Variants in SRSF11 observed in about 807,000 individuals in gnomAD.
SRSF11 encodes serine/arginine-rich splicing factor 11.
A neutral mutation model predicts 56.0 loss-of-function variants in SRSF11; 9 were observed. The ratio of observed to expected loss-of-function variants is 0.16; its 90% CI spans 0.10 to 0.28. The LOEUF is 0.28. SRSF11 is among the 10% of genes least tolerant of loss of function. The pLI is 1.00. For synonymous variants in SRSF11, 222 were observed against 215.3 expected (o/e 1.03, Z -0.27); for missense variants, 421 against 600.7 (o/e 0.70, Z 3.13).
chr1:70,232,664 A>G (rs889253692), intron 3 of SRSF11, among the ~76,000 whole-genome samples: 2 of 152,232 alleles, frequency 1.3e-5, no homozygotes, highest in African/African-American at 4.8e-5. Flanking sequence ...TTCTCTGAAC[A>G]CACTGTTAAA....
intron 7 of SRSF11, among the ~76,000 whole-genome samples, chr1:70,240,531 A>C (rs1675114484): frequency 6.6e-6 from 1 of 152,216 alleles, no homozygotes; most frequent in South Asian, 2.1e-4. Context: ...AAAGGGTCTT[A>C]GAGCATCCAC....
intron 1 of SRSF11, among the ~76,000 whole-genome samples, chr1:70,215,960 AT>A (rs1669962176): frequency 6.6e-6 from 1 of 152,070 alleles, no homozygotes; most frequent in African/African-American, 2.4e-5. Context: ...CTGATTTTGT[AT>A]TTTTAGTAGA....
chr1:70,226,228 A>T (rs1671755046), intron 1 of SRSF11, among the ~76,000 whole-genome samples: 1 of 152,080 alleles, frequency 6.6e-6, no homozygotes, highest in South Asian at 2.1e-4. Flanking sequence ...AATGTTAAGA[A>T]TGTAATTGTG....
At chr1:70,249,674 C>G in intron 9 of SRSF11, 2 of 289,712 alleles carry the variant, frequency 6.9e-6, no homozygotes, top group Middle Eastern at 1.2e-3. Context: ...CTTCCTGCCT[C>G]TGCCTCCTGA....
intron 1 of SRSF11, among the ~76,000 whole-genome samples, chr1:70,208,757 A>G (rs1669286974): frequency 6.6e-6 from 1 of 152,254 alleles, no homozygotes; most frequent in Admixed American, 6.5e-5. Context: ...AAGCTAATCA[A>G]CTTCAACTGA....
intron 1 of SRSF11, chr1:70,222,894 C>T (rs1670967711): frequency 6.6e-6 from 1 of 152,138 alleles, no homozygotes; most frequent in South Asian, 2.1e-4. Context: ...TCATCACTTT[C>T]CACTTAAAAT....
chr1:70,209,546 T>A (rs1669347887), intron 1 of SRSF11, among the ~76,000 whole-genome samples: 1 of 152,088 alleles, frequency 6.6e-6, no homozygotes, highest in African/African-American at 2.4e-5. Flanking sequence ...ACATTTGTTT[T>A]CCCTTCAGGG....
intron 9 of SRSF11, 30 bp from the exon 10 acceptor site, chr1:70,249,922 A>G (rs1360352719): frequency 1.2e-6 from 2 of 1,608,398 alleles, no homozygotes; most frequent in Admixed American, 3.3e-5. Flanking sequence ...ACTGTATTTT[A>G]AAACCTAGTT....
chr1:70,229,333 GTGTAACCATT>G (rs1309048731), intron 2 of SRSF11: 2 of 1,248,572 alleles, frequency 1.6e-6, no homozygotes, highest in East Asian at 1.2e-4. Context: ...TGTTTTCCTG[GTGTAACCATT>G]TGTTAACTAC....
chr1:70,229,356 T>A, intron 2 of SRSF11: 1 of 1,194,810 alleles, frequency 8.4e-7, no homozygotes, highest in African/African-American at 1.6e-5. Flanking sequence ...TTAACTACAT[T>A]TTCTCTCTTT....
chr1:70,241,065 C>T (rs781611313), intron 7 of SRSF11, among the ~76,000 whole-genome samples: 3 of 152,162 alleles, frequency 2.0e-5, no homozygotes, highest in Non-Finnish European at 4.4e-5. Context: ...AGCCACCATG[C>T]CCGGCCATTC....
intron 1 of SRSF11, among the ~76,000 whole-genome samples, chr1:70,205,995 C>T (rs1392170086): frequency 1.3e-5 from 2 of 152,100 alleles, no homozygotes; most frequent in East Asian, 3.9e-4. Flanking sequence ...CTGTGTTTGT[C>T]GCTTGTGGTG....
At chr1:70,220,077 T>C (rs181944380), upstream of SRSF11, among the ~76,000 whole-genome samples, 11 of 152,374 alleles carry the variant, frequency 7.2e-5, no homozygotes, top group East Asian at 9.6e-4. Flanking sequence ...AGCACATTCA[T>C]TGGGACTGAC....
intron 6 of SRSF11, among the ~76,000 whole-genome samples, chr1:70,238,606 G>A (rs1674640678): frequency 6.6e-6 from 1 of 152,188 alleles, no homozygotes; most frequent in Non-Finnish European, 1.5e-5. Flanking sequence ...GGGAAGAGGA[G>A]TGATGAGCAG....
At chr1:70,212,799 G>A (rs757426427) in intron 1 of SRSF11, among the ~76,000 whole-genome samples, 10 of 152,224 alleles carry the variant, frequency 6.6e-5, no homozygotes, top group East Asian at 1.9e-4. Context: ...GCCAAGTGTC[G>A]TGGCTGATGC....
chr1:70,250,127 T>C, intron 10 of SRSF11, 80 bp downstream of exon 10: 1 of 1,379,268 alleles, frequency 7.3e-7, no homozygotes, highest in Non-Finnish European at 1.0e-6. Flanking sequence ...TAGTTTTTCT[T>C]TTCAGCAGTT....
intron 7 of SRSF11, among the ~76,000 whole-genome samples, chr1:70,240,413 A>G (rs1468418744): frequency 2.0e-5 from 3 of 152,126 alleles, no homozygotes; most frequent in Non-Finnish European, 4.4e-5. Context: ...AAGAGTCAGT[A>G]TTTTTACCCA....
At chr1:70,250,580 T>G in intron 11 of SRSF11, 28 bp from the exon 12 acceptor site, 1 of 1,610,162 alleles carries the variant, frequency 6.2e-7, no homozygotes, top group Non-Finnish European at 8.5e-7. Context: ...TTTGGAGAAG[T>G]TTACTTTTAT....
At chr1:70,222,139 A>T (rs1301379004) in intron 1 of SRSF11, among the ~76,000 whole-genome samples, 2 of 152,174 alleles carry the variant, frequency 1.3e-5, no homozygotes, top group Admixed American at 6.5e-5. Context: ...GACTAACCGC[A>T]GTCTGTACGT....
Sources: gnomAD v4.1 joint callset for allele counts (sites outside exome capture counted in the v4.1 genomes callset) on GRCh38, gnomAD v4.1.1 for gene constraint, MANE v1.5 for transcripts, NCBI Gene and HGNC (gene_info 2026-07-23, HGNC 2026-07-21) for gene names.